The following NFIA variants were observed in gnomAD, a reference collection of about 807,000 sequenced individuals.
NFIA encodes nuclear factor 1 A-type.
A neutral mutation model predicts 62.8 loss-of-function variants in NFIA; 8 were observed. The ratio of observed to expected loss-of-function variants is 0.13; its 90% CI spans 0.07 to 0.23. The LOEUF is 0.23. Among genes scored for constraint, NFIA ranks in the 10% least tolerant of loss-of-function variants. The pLI, the probability that NFIA is intolerant of heterozygous loss-of-function variation, is 1.00. For synonymous variants in NFIA, 235 were observed against 238.1 expected (o/e 0.99, Z 0.12); for missense variants, 410 against 642.1 (o/e 0.64, Z 3.91).
chr1:61,290,981 T>G (rs1658844679), intron 3 of NFIA, among the ~76,000 whole-genome samples: 1 of 152,208 alleles, frequency 6.6e-6, no homozygotes, highest in Non-Finnish European at 1.5e-5. Flanking sequence ...TGATGAATTA[T>G]CTATTATTTA....
intron 9 of NFIA, among the ~76,000 whole-genome samples, chr1:61,414,314 TCTTA>T (rs1666256611): frequency 6.6e-6 from 1 of 152,206 alleles, no homozygotes; most frequent in African/African-American, 2.4e-5. Context: ...ATATGTATTA[TCTTA>T]CTTCATCCTC....
chr1:61,305,584 A>G (rs1199631164), intron 3 of NFIA, among the ~76,000 whole-genome samples: 1 of 152,206 alleles, frequency 6.6e-6, no homozygotes, highest in East Asian at 1.9e-4. Context: ...CTGAGAGCCT[A>G]GACATTTTAT....
intron 6 of NFIA, among the ~76,000 whole-genome samples, chr1:61,374,794 C>T (rs1490382082): frequency 6.6e-6 from 1 of 152,166 alleles, no homozygotes; most frequent in Non-Finnish European, 1.5e-5. Context: ...GGATAAACCT[C>T]AGAAGCTATA....
intron 2 of NFIA, among the ~76,000 whole-genome samples, chr1:61,235,934 C>T (rs1019666403): frequency 3.9e-5 from 6 of 152,044 alleles, no homozygotes; most frequent in African/African-American, 7.2e-5. Context: ...TATAGAGACA[C>T]ATAGTTGTTT....
upstream of NFIA, chr1:61,077,385 C>T (rs1451555081): frequency 5.2e-6 from 2 of 386,838 alleles, no homozygotes; most frequent in Admixed American, 4.3e-5. Flanking sequence ...CGAGCGAGAG[C>T]GAGACAGTGA....
At chr1:61,171,853 G>A (rs1245007709) in intron 2 of NFIA, among the ~76,000 whole-genome samples, 2 of 152,144 alleles carry the variant, frequency 1.3e-5, no homozygotes, top group African/African-American at 4.8e-5. Context: ...CTTGAAAAAC[G>A]GGATTTCCTG....
At chr1:61,247,252 A>G (rs1223186940) in intron 2 of NFIA, among the ~76,000 whole-genome samples, 2 of 152,252 alleles carry the variant, frequency 1.3e-5, no homozygotes, top group African/African-American at 4.8e-5. Flanking sequence ...GCCATTGATA[A>G]GGATTTCCAG....
At chr1:61,118,732 G>T (rs965249740) in intron 2 of NFIA, among the ~76,000 whole-genome samples, 8 of 151,488 alleles carry the variant, frequency 5.3e-5, no homozygotes, top group Admixed American at 4.6e-4. Flanking sequence ...AGGCCATTAT[G>T]GCTGGACAGT....
chr1:61,096,554 T>C (rs1382475235), intron 2 of NFIA, among the ~76,000 whole-genome samples: 8 of 133,102 alleles, frequency 6.0e-5, no homozygotes, highest in Non-Finnish European at 1.3e-4. Context: ...GTTCTTTTTT[T>C]TTTTTTTTTT....
chr1:61,155,266 C>T (rs2100527294), intron 2 of NFIA, among the ~76,000 whole-genome samples: 1 of 152,322 alleles, frequency 6.6e-6, no homozygotes, highest in South Asian at 2.1e-4. Flanking sequence ...TAAGACTGCT[C>T]ATACATGCTG....
intron 3 of NFIA, among the ~76,000 whole-genome samples, chr1:61,279,521 A>C (rs1236853429): frequency 6.6e-6 from 1 of 151,910 alleles, no homozygotes; most frequent in Admixed American, 6.6e-5. Context: ...TTTATTTTCC[A>C]CTTGACTTGT....
intron 3 of NFIA, among the ~76,000 whole-genome samples, chr1:61,315,644 C>T (rs1660329687): frequency 6.6e-6 from 1 of 152,062 alleles, no homozygotes; most frequent in Admixed American, 6.6e-5. Context: ...GGAGGAGCTG[C>T]CCTACTTCTG....
intron 3 of NFIA, among the ~76,000 whole-genome samples, chr1:61,327,341 G>C: frequency 6.6e-6 from 1 of 151,828 alleles, no homozygotes; most frequent in East Asian, 1.9e-4. Context: ...TGAGATTTCA[G>C]TGCATCCCTC....
chr1:61,415,630 A>G (rs2100539596), intron 9 of NFIA, among the ~76,000 whole-genome samples: 1 of 152,278 alleles, frequency 6.6e-6, no homozygotes, highest in Non-Finnish European at 1.5e-5. Context: ...AGCAAAGATC[A>G]AAAGGTGTCT....
intron 2 of NFIA, among the ~76,000 whole-genome samples, chr1:61,235,563 C>T (rs559544170): frequency 1.3e-5 from 2 of 150,840 alleles, no homozygotes; most frequent in South Asian, 4.2e-4. Context: ...TGCCTGTAAT[C>T]CCAACACTTT....
chr1:61,393,341 G>A (rs1241111067), intron 7 of NFIA, among the ~76,000 whole-genome samples: 2 of 26,030 alleles, frequency 7.7e-5, no homozygotes, highest in East Asian at 2.1e-3. Flanking sequence ...AACCCCACCC[G>A]CACCCAGGTC....
rs535083985 is a variant in NFIA, at chr1:61,165,064, T to C, written c.559+76384T>C. On this transcript the variant is annotated intron_variant, in intron 2 of 10. Coordinates refer to ENST00000403491, the MANE Select transcript of NFIA (RefSeq NM_001134673.4). ...AGGTCATTGCTAACAATGTGCAAAC[T>C]GTTGAGGGAACATTGTATAAATTTA... Among the ~76,000 whole-genome samples, 334 of 152,342 alleles carry C rather than the reference T, an allele frequency of 2.2e-3. 2 individuals carry two copies. The highest frequency in any genetic ancestry group is 7.6e-3 in the African/African-American group (317 of 41,586).
At chr1:61,381,580 T>C (rs1275053297) in intron 6 of NFIA, among the ~76,000 whole-genome samples, 3 of 152,246 alleles carry the variant, frequency 2.0e-5, no homozygotes, top group Non-Finnish European at 4.4e-5. Flanking sequence ...GTTGTACTTA[T>C]ATCTGACTAT....
At chr1:61,082,047 G>A, upstream of NFIA, 2 of 1,547,604 alleles carry the variant, frequency 1.3e-6, no homozygotes, top group South Asian at 1.2e-5. Context: ...CCTCCACCGA[G>A]GTCCGCGGAG....
Sources: allele counts gnomAD v4.1 joint callset (sites outside exome capture counted in the v4.1 genomes callset), GRCh38; gene constraint gnomAD v4.1.1; transcripts MANE v1.5; gene names NCBI Gene and HGNC (gene_info 2026-07-23, HGNC 2026-07-21).